NTM: variants seen among roughly 807,000 people sequenced by gnomAD.
NTM encodes IgLON family member 2.
In NTM, 13 loss-of-function variants were observed where a neutral mutation model predicts 42.1. The observed-to-expected ratio is 0.31, with a 90% confidence interval of 0.20 to 0.49. The LOEUF is 0.49. Ranked by LOEUF, NTM falls within the 20% of genes least tolerant of loss-of-function variation. The pLI is 0.99. For synonymous variants in NTM, 187 were observed against 179.2 expected (o/e 1.04, Z -0.35); for missense variants, 373 against 452.8 (o/e 0.82, Z 1.60).
At chr11:132,087,859 G>C (rs1385838154) in intron 2 of NTM, among the ~76,000 whole-genome samples, 1 of 152,232 alleles carries the variant, frequency 6.6e-6, no homozygotes, top group Non-Finnish European at 1.5e-5. Flanking sequence ...TGGATTAATT[G>C]ACCAGGGGAA....
At chr11:131,790,446 C>A (rs1452571865) in intron 1 of NTM, among the ~76,000 whole-genome samples, 1 of 152,146 alleles carries the variant, frequency 6.6e-6, no homozygotes, top group Non-Finnish European at 1.5e-5. Flanking sequence ...ATAAAGTGGT[C>A]TCTTACTCTG....
chr11:131,718,425 C>T (rs2077956677), intron 1 of NTM, among the ~76,000 whole-genome samples: 1 of 152,128 alleles, frequency 6.6e-6, no homozygotes, highest in Admixed American at 6.5e-5. Context: ...GAGATCAGAA[C>T]AATGTTTACT....
chr11:131,947,694 A>G (rs1004298442), intron 2 of NTM, among the ~76,000 whole-genome samples: 1 of 152,160 alleles, frequency 6.6e-6, no homozygotes, highest in Admixed American at 6.5e-5. Flanking sequence ...GTTTCCTCAC[A>G]TGGAAGCCAG....
At chr11:131,561,956 G>A (rs765354168) in intron 1 of NTM, among the ~76,000 whole-genome samples, 3 of 152,168 alleles carry the variant, frequency 2.0e-5, no homozygotes, top group African/African-American at 4.8e-5. Flanking sequence ...GAGAAGAGGC[G>A]ACTGAATAAA....
intron 1 of NTM, among the ~76,000 whole-genome samples, chr11:131,427,221 G>T (rs1366233581): frequency 2.6e-5 from 4 of 151,930 alleles, no homozygotes; most frequent in Non-Finnish European, 4.4e-5. Context: ...GTGTAGAATT[G>T]CAGGAAAGAC....
chr11:132,068,673 CAGAGACACAGAACTAGTA>C (rs1482869535), intron 2 of NTM, among the ~76,000 whole-genome samples: 2 of 152,184 alleles, frequency 1.3e-5, no homozygotes, highest in Non-Finnish European at 2.9e-5. Context: ...AGGGTTAAAC[CAGAGACACAGAACTAGTA>C]AGAGACATCA....
intron 1 of NTM, among the ~76,000 whole-genome samples, chr11:131,633,734 T>TCC (rs1565355185): frequency 2.5e-5 from 2 of 79,446 alleles, no homozygotes; most frequent in Non-Finnish European, 4.7e-5. Flanking sequence ...TCTCTCTCTC[T>TCC]CTCCCTCCCT....
At chr11:132,202,022 T>C (rs2081238493) in intron 3 of NTM, among the ~76,000 whole-genome samples, 1 of 152,258 alleles carries the variant, frequency 6.6e-6, no homozygotes, top group South Asian at 2.1e-4. Context: ...CTGTTTTTAC[T>C]TCTGTTCTCT....
At chr11:131,635,660 T>G (rs1307602350) in intron 1 of NTM, among the ~76,000 whole-genome samples, 1 of 152,144 alleles carries the variant, frequency 6.6e-6, no homozygotes, top group East Asian at 1.9e-4. Context: ...ATTAATTTAG[T>G]GTATTTAATT....
chr11:132,296,929 G>C (rs1486513423), intron 4 of NTM, among the ~76,000 whole-genome samples: 1 of 152,196 alleles, frequency 6.6e-6, no homozygotes, highest in Non-Finnish European at 1.5e-5. Flanking sequence ...GTGCAGAATA[G>C]ATTTTGAGAA....
chr11:131,399,879 C>T (rs1944945019), intron 1 of NTM, among the ~76,000 whole-genome samples: 1 of 152,126 alleles, frequency 6.6e-6, no homozygotes, highest in African/African-American at 2.4e-5. Context: ...TGCCCATGTG[C>T]TTGGTGCTCT....
intron 2 of NTM, among the ~76,000 whole-genome samples, chr11:131,922,596 T>C (rs1365983844): frequency 6.6e-6 from 1 of 152,212 alleles, no homozygotes; most frequent in Non-Finnish European, 1.5e-5. Flanking sequence ...TTAAGAGTTA[T>C]CCTGAATCAG....
At chr11:132,263,903 T>A (rs1363166020) in intron 4 of NTM, among the ~76,000 whole-genome samples, 3 of 152,232 alleles carry the variant, frequency 2.0e-5, no homozygotes, top group Non-Finnish European at 4.4e-5. Context: ...TTTCTACCAA[T>A]ATTATGTACA....
intron 7 of NTM, among the ~76,000 whole-genome samples, chr11:132,329,648 A>C (rs1313521488): frequency 6.6e-6 from 1 of 152,258 alleles, no homozygotes; most frequent in East Asian, 1.9e-4. Flanking sequence ...AATGCCAGTT[A>C]AACTTTTGCA....
At chr11:132,303,047 A>G (rs1333787075) in intron 4 of NTM, among the ~76,000 whole-genome samples, 3 of 152,206 alleles carry the variant, frequency 2.0e-5, no homozygotes, top group African/African-American at 4.8e-5. Flanking sequence ...CAGAGCAACT[A>G]TGGAATTATA....
intron 1 of NTM, among the ~76,000 whole-genome samples, chr11:131,853,646 A>T (rs1007613544): frequency 1.3e-5 from 2 of 152,166 alleles, no homozygotes; most frequent in African/African-American, 4.8e-5. Flanking sequence ...TCTATCATTG[A>T]TGGATATTAG....
intron 3 of NTM, among the ~76,000 whole-genome samples, chr11:132,187,939 C>T (rs1023328903): frequency 2.6e-5 from 4 of 152,242 alleles, no homozygotes; most frequent in Admixed American, 6.5e-5. Flanking sequence ...AACATGTCTA[C>T]GTGGAGACTT....
intron 1 of NTM, among the ~76,000 whole-genome samples, chr11:131,822,178 G>A (rs1286552404): frequency 3.3e-5 from 5 of 151,988 alleles, no homozygotes; most frequent in African/African-American, 9.7e-5. Flanking sequence ...TCGTCACCCC[G>A]TTTAATTACC....
chr11:132,217,228 T>A (rs1380061554), intron 4 of NTM, among the ~76,000 whole-genome samples: 1 of 152,074 alleles, frequency 6.6e-6, no homozygotes, highest in Non-Finnish European at 1.5e-5. Context: ...TTCAACTGTA[T>A]ATGAAAATTT....
Sources: allele counts gnomAD v4.1 joint callset (sites outside exome capture counted in the v4.1 genomes callset), GRCh38; gene constraint gnomAD v4.1.1; transcripts MANE v1.5; gene names NCBI Gene and HGNC (gene_info 2026-07-23, HGNC 2026-07-21).